The following TRIB3 variants were observed in gnomAD, a reference collection of about 807,000 sequenced individuals.
TRIB3 encodes the protein tribbles homolog 3.
Under a neutral mutation model 16.6 loss-of-function variants are expected in TRIB3, and 20 were observed. That is an observed-to-expected ratio of 1.20 (90% CI 0.85 to 1.75). TRIB3 has a LOEUF of 1.75. Among genes scored for constraint, TRIB3 ranks in the 40% most tolerant of loss-of-function variants. The pLI is 0.00. For missense variants in TRIB3, 484 were observed against 488.9 expected (o/e 0.99, Z 0.10); for synonymous variants, 208 against 217.0 (o/e 0.96, Z 0.36).
intron 1 of TRIB3, among the ~76,000 whole-genome samples, chr20:383,213 A>G (rs73565377): frequency 0.022 from 3,370 of 152,314 alleles, 131 homozygotes; most frequent in African/African-American, 0.076. Flanking sequence ...CAATTACCCT[A>G]TAAAGAGCAT....
intron 2 of TRIB3, among the ~76,000 whole-genome samples, chr20:390,796 G>A (rs2014950084): frequency 1.3e-5 from 2 of 152,100 alleles, no homozygotes; most frequent in South Asian, 4.1e-4. Flanking sequence ...GAGGTCAGGA[G>A]TTCGAGACCA....
At chr20:382,350 T>A in intron 1 of TRIB3, 1 of 592,822 alleles carries the variant, frequency 1.7e-6, no homozygotes, top group South Asian at 2.0e-5. Flanking sequence ...CAACAGGCTC[T>A]GAGGGATGGC....
In TRIB3 at chr20:396,153, G is replaced by T. The variant is rs756720455; in HGVS notation, c.585-45G>T. On this transcript the variant is annotated intron_variant, in intron 3 of 3. Coordinates refer to ENST00000217233, the MANE Select transcript of TRIB3 (RefSeq NM_021158.5). ...TGATAGCATGGGGTGGTGGCATGGGGGTTCTGGGTAGGACCTGACCCTTCT... is the reference window on the plus strand; with the variant it reads ...TGATAGCATGGGGTGGTGGCATGGGTGTTCTGGGTAGGACCTGACCCTTCT... 3.8e-6 allele frequency: 6 copies of T among 1,568,464 alleles called. No homozygotes were observed. The East Asian group carries it at 1.1e-4, about 30-fold the overall frequency.
chr20:387,859 G>A (rs2014860891), intron 1 of TRIB3, 152 bp from the exon 2 acceptor site: 4 of 883,844 alleles, frequency 4.5e-6, no homozygotes, highest in East Asian at 2.7e-5. Context: ...CCAGAAGTGG[G>A]GCACCCAGTT....
chr20:388,344 C>T (rs2014883192), intron 2 of TRIB3, 43 bp downstream of exon 2: 1 of 1,555,392 alleles, frequency 6.4e-7, no homozygotes, highest in Non-Finnish European at 8.7e-7. Flanking sequence ...CACAGGAGGC[C>T]TGGGAAGGAG....
chr20:382,998 C>CTGAG (rs1031593710), intron 1 of TRIB3, among the ~76,000 whole-genome samples: 1 of 152,226 alleles, frequency 6.6e-6, no homozygotes, highest in Non-Finnish European at 1.5e-5. Context: ...TTTAACCAGG[C>CTGAG]TGAGGTCTCT....
rs2014630767 is a variant in TRIB3, at chr20:381,164, G to C, written c.-6G>C. The C allele has an allele frequency of 6.6e-6, 1 of 151,942 alleles. No individual in the cohort carries two copies. Among genetic ancestry groups the C allele is most frequent in the African/African-American group, 2.4e-5 (1 of 41,396 alleles). 9.4% of individuals were successfully genotyped at this position (151,942 alleles called of 1,614,324 possible). ...CGCCCGGGCCCACGCGGAACGACGGGGCGAGGTACTCGGCGGGGTGCGGCC... is the reference window on the plus strand; with the variant it reads ...CGCCCGGGCCCACGCGGAACGACGGCGCGAGGTACTCGGCGGGGTGCGGCC... On this transcript the variant is annotated 5_prime_UTR_variant, in exon 1 of 4. Coordinates refer to ENST00000217233, the MANE Select transcript of TRIB3 (RefSeq NM_021158.5).
intron 2 of TRIB3, 128 bp from the exon 3 acceptor site, chr20:391,159 G>A (rs1042679522): frequency 3.7e-5 from 39 of 1,044,694 alleles, no homozygotes; most frequent in Non-Finnish European, 4.5e-5. Context: ...TGAGTGACTC[G>A]GTCAGTGAAG....
Position 388,210 on chromosome 20 carries a change from G to C in TRIB3, c.200G>C (p.Arg67Pro). 6.2e-7 allele frequency: 1 copy of C among 1,613,874 alleles called. No individual in the cohort carries two copies. The highest frequency in any genetic ancestry group is 8.5e-7 in the Non-Finnish European group (1 of 1,180,024). ...DRATAVATAS[R>P]LGPYVLLEPE... ...GCAACTGCTGTGGCCACTGCCTCCC[G>C]TCTTGGGCCCTATGTCCTCCTGGAG... is the stretch of plus-strand genomic sequence containing the variant. Residue 67 changes from arginine to proline, a missense_variant, in exon 2 of 4, where the codon CGT becomes CCT. Arg to Pro is a moderately radical substitution (Grantham distance 103). Transcript: ENST00000217233.
At chr20:382,033 G>T (rs1418676114) in intron 1 of TRIB3, among the ~76,000 whole-genome samples, 1 of 152,138 alleles carries the variant, frequency 6.6e-6, no homozygotes, top group African/African-American at 2.4e-5. Context: ...GCCTGGCTGC[G>T]GGGGGCGGGG....
intron 1 of TRIB3, chr20:382,568 T>G (rs1338327807): frequency 1.3e-6 from 2 of 1,535,702 alleles, no homozygotes; most frequent in Non-Finnish European, 1.7e-6. Context: ...CATCTTGCTG[T>G]GAAGAATAAC....
chr20:381,886 A>G (rs2014664155), intron 1 of TRIB3, among the ~76,000 whole-genome samples: 1 of 151,890 alleles, frequency 6.6e-6, no homozygotes, highest in Admixed American at 6.5e-5. Flanking sequence ...GTGCCTGCAG[A>G]CCGGGGAGGG....
intron 1 of TRIB3, chr20:381,427 T>G (rs2014641038): frequency 6.5e-6 from 1 of 153,076 alleles, no homozygotes; most frequent in Non-Finnish European, 1.5e-5. Context: ...GTCGCCCGAG[T>G]TGGGCTGGGG....
chr20:390,799 C>T (rs766118343), intron 2 of TRIB3, among the ~76,000 whole-genome samples: 2 of 151,952 alleles, frequency 1.3e-5, no homozygotes, highest in Admixed American at 6.6e-5. Context: ...GTCAGGAGTT[C>T]GAGACCAGCT....
chr20:391,003 A>G (rs868752964), intron 2 of TRIB3, among the ~76,000 whole-genome samples: 32,489 of 127,612 alleles, frequency 0.25, 4,182 homozygotes, highest in East Asian at 0.46. Flanking sequence ...CTCCGTCTCA[A>G]AAAAAAAAAA....
chr20:382,133 G>A (rs1415027148), intron 1 of TRIB3, among the ~76,000 whole-genome samples: 2 of 149,570 alleles, frequency 1.3e-5, no homozygotes, highest in African/African-American at 5.1e-5. Context: ...GTGTGCGTGC[G>A]CGCGCGCGCT....
chr20:396,924 G>A lies in TRIB3; in HGVS notation c.*234G>A, dbSNP rs1405530229. 1.9e-6 allele frequency: 1 copy of A among 534,288 alleles called. No individual in the cohort carries two copies. Among genetic ancestry groups the A allele is most frequent in the African/African-American group, 1.9e-5 (1 of 53,164 alleles). 33.1% of individuals were successfully genotyped at this position (534,288 alleles called of 1,614,324 possible). A position where few individuals can be genotyped will look rare whatever the true frequency, so the allele number is the denominator to read the frequency against. ...TTCTCGGTGCTGGGAGTACAGCAGT[G>A]AGCAAAGGAGACAATATTCCCTGCT... On this transcript the variant is annotated 3_prime_UTR_variant, in exon 4 of 4. Transcript: ENST00000217233.
At position 393,147 on chromosome 20, in the gene TRIB3, ATG is replaced by A. The variant is rs2015026464; in HGVS notation, c.584+1569_584+1570del. On this transcript the variant is annotated intron_variant, in intron 3 of 3. Transcript: ENST00000217233. ...TCCAATGTTAACACCTGACGTAGCT[ATG>A]GTACAATTACCCAAACTATTAACTA... Among the ~76,000 whole-genome samples, 2 of 96,382 alleles carry A rather than the reference ATG, an allele frequency of 2.1e-5. 1 individual carries two copies. Among genetic ancestry groups the A allele is most frequent in the Non-Finnish European group, 4.2e-5 (2 of 47,888 alleles). 63.2% of individuals were successfully genotyped at this position (96,382 alleles called of 152,430 possible). A position where few individuals can be genotyped will look rare whatever the true frequency, so the allele number is the denominator to read the frequency against.
At position 387,042 on chromosome 20, in the gene TRIB3, C is replaced by T. The variant is rs374030797; in HGVS notation, c.1-969C>T. 2.4e-3 allele frequency among the ~76,000 whole-genome samples: 361 copies of T among 152,284 alleles called. 4 individuals carry two copies. In the South Asian group the frequency reaches 0.026, roughly 11 times the overall value. ...CTGGGATTACAGGCGTGAGCCACCACGCCTGGCCAGGAAATACATTTACAT... is the reference window on the plus strand; with the variant it reads ...CTGGGATTACAGGCGTGAGCCACCATGCCTGGCCAGGAAATACATTTACAT... On this transcript the variant is annotated intron_variant, in intron 1 of 3. Transcript: ENST00000217233.
Sources: gnomAD v4.1 joint callset for allele counts (sites outside exome capture counted in the v4.1 genomes callset) on GRCh38, gnomAD v4.1.1 for gene constraint, MANE v1.5 for transcripts, NCBI Gene and HGNC (gene_info 2026-07-23, HGNC 2026-07-21) for gene names.